RUNX3: variants seen among roughly 807,000 people sequenced by gnomAD.
RUNX3 encodes the protein RUNX family transcription factor 3.
RUNX3 carries 10 observed loss-of-function variants against 27.7 expected under a neutral mutation model. The ratio of observed to expected loss-of-function variants is 0.36; its 90% CI spans 0.22 to 0.61. The LOEUF is 0.61. Among genes scored for constraint, RUNX3 ranks in the 20% least tolerant of loss-of-function variants. RUNX3 has a pLI of 0.72. For missense variants in RUNX3, 469 were observed against 629.5 expected (o/e 0.75, Z 2.73); for synonymous variants, 270 against 269.2 (o/e 1.00, Z -0.03).
In RUNX3 at chr1:24,935,378, C is replaced by CCCACCCACCTCCTCT. The variant is rs566104183; in HGVS notation, c.59-5541_59-5527dup. Among the ~76,000 whole-genome samples, 268 of 152,294 alleles carry CCCACCCACCTCCTCT rather than the reference C, an allele frequency of 1.8e-3. 2 individuals carry two copies. The highest frequency in any genetic ancestry group is 6.3e-3 in the African/African-American group (263 of 41,546). On this transcript the variant is annotated intron_variant, in intron 2 of 6. Transcript: ENST00000338888. ...TGGTTGTGACCCGAGGCCCCTCCTCCCCACCCACCTCCTCTCCACCTCCCG... is the reference window on the plus strand; with the variant it reads ...TGGTTGTGACCCGAGGCCCCTCCTCCCCACCCACCTCCTCTCCACCCACCTCCTCTCCACCTCCCG...
chr1:24,959,115 C>G (rs918825013), intron 2 of RUNX3, among the ~76,000 whole-genome samples: 1 of 152,212 alleles, frequency 6.6e-6, no homozygotes, highest in Non-Finnish European at 1.5e-5. Context: ...TCTGCTTATC[C>G]GTCTCCCGGC....
intron 2 of RUNX3, among the ~76,000 whole-genome samples, chr1:24,920,091 G>A (rs1640969553): frequency 6.6e-6 from 1 of 152,072 alleles, no homozygotes; most frequent in Non-Finnish European, 1.5e-5. Flanking sequence ...TGATTTGGGA[G>A]CTGCAGACAT....
Position 24,902,709 on chromosome 1 carries a change from C to A in RUNX3, c.704-43G>T. 2.1e-6 allele frequency: 3 copies of A among 1,462,000 alleles called. No individual in the cohort carries two copies. Among genetic ancestry groups the A allele is most frequent in the Non-Finnish European group, 2.7e-6 (3 of 1,095,780 alleles). The allele number at this position is 1,462,000 out of a possible 1,614,324, so 90.6% of individuals were successfully genotyped here. ...AGAGGTCAGTTCCAGCTCGAGACAA[C>A]CCCAGGAGGGCTTCCTGAAGAATGA... On this transcript the variant is annotated intron_variant, in intron 4 of 4. Coordinates refer to ENST00000308873, the MANE Select transcript of RUNX3 (RefSeq NM_004350.3). This position sits in a 1 kb window ranked among gnomAD's most constrained non-coding sequence, Gnocchi z 9.2.
intron 2 of RUNX3, among the ~76,000 whole-genome samples, chr1:24,964,055 A>G (rs75941594): frequency 0.025 from 3,805 of 152,148 alleles, 155 homozygotes; most frequent in African/African-American, 0.088. Context: ...GTTACACACA[A>G]AATGTTGGCG....
Position 24,929,901 on chromosome 1 carries a change from G to A in RUNX3, c.-33C>T. 2 of 1,252,474 alleles carry A rather than the reference G, an allele frequency of 1.6e-6. No individual in the cohort carries two copies. The highest frequency in any genetic ancestry group is 1.0e-6 in the Non-Finnish European group (1 of 1,001,282). 77.6% of individuals were successfully genotyped at this position (1,252,474 alleles called of 1,614,324 possible). ...GCCGTCAGGGCGCCGGGCAGGCGGAGACGGCGCGGCTTCCCCCGGGGGCGG... is the reference window on the plus strand; with the variant it reads ...GCCGTCAGGGCGCCGGGCAGGCGGAAACGGCGCGGCTTCCCCCGGGGGCGG... On this transcript the variant is annotated 5_prime_UTR_variant, in exon 1 of 5. Coordinates refer to ENST00000308873, the MANE Select transcript of RUNX3 (RefSeq NM_004350.3).
chr1:24,918,995 T>C (rs549998002), intron 3 of RUNX3, among the ~76,000 whole-genome samples: 4 of 152,320 alleles, frequency 2.6e-5, no homozygotes, highest in Admixed American at 2.6e-4. Flanking sequence ...TTTCCTTTCC[T>C]TGACTCCCTC....
rs1302095688 is a variant in RUNX3, at chr1:24,900,869, C to T, written c.*1253G>A. 1.3e-5 allele frequency: 2 copies of T among 151,844 alleles called. No homozygotes were observed. Among genetic ancestry groups the T allele is most frequent in the African/African-American group, 4.8e-5 (2 of 41,354 alleles). The allele number at this position is 151,844 out of a possible 1,614,324, so 9.4% of individuals were successfully genotyped here. The stretch of plus-strand genomic sequence containing the variant: ...ATAACCCCACACCCTCAGGAGGCAG[C>T]TGGGGGTCCGCGGGGGGGAGAGGGG... On this transcript the variant is annotated 3_prime_UTR_variant, in exon 5 of 5. Coordinates refer to ENST00000308873, the MANE Select transcript of RUNX3 (RefSeq NM_004350.3).
chr1:24,922,782 C>CAAAA (rs57671911), intron 2 of RUNX3, among the ~76,000 whole-genome samples: 11 of 21,554 alleles, frequency 5.1e-4, no homozygotes, highest in South Asian at 2.5e-3. Flanking sequence ...GCCCACAGGG[C>CAAAA]AAAAAAAAAA....
intron 2 of RUNX3, among the ~76,000 whole-genome samples, chr1:24,924,784 C>T (rs1053748324): frequency 2.0e-5 from 3 of 152,108 alleles, no homozygotes; most frequent in Admixed American, 6.5e-5. Flanking sequence ...TACATTTCAA[C>T]GTAGAATAGT....
upstream of RUNX3, among the ~76,000 whole-genome samples, chr1:24,933,417 A>G (rs778704423): frequency 6.6e-6 from 1 of 152,208 alleles, no homozygotes. Flanking sequence ...GTCATGAAAA[A>G]ATAAGACCTC....
intron 3 of RUNX3, among the ~76,000 whole-genome samples, chr1:24,912,697 CAT>C (rs1228100872): frequency 6.6e-6 from 1 of 151,812 alleles, no homozygotes; most frequent in East Asian, 1.9e-4. Flanking sequence ...ACCATCCTAT[CAT>C]ATGGGTGAAA....
In RUNX3 at chr1:24,930,033, C is replaced by T; in HGVS notation, c.-165G>A. The T allele has an allele frequency of 1.0e-6, 1 of 981,460 alleles. No homozygotes were observed. Among genetic ancestry groups the T allele is most frequent in the Non-Finnish European group, 1.2e-6 (1 of 828,424 alleles). The allele number at this position is 981,460 out of a possible 1,614,324, so 60.8% of individuals were successfully genotyped here. A position where few individuals can be genotyped will look rare whatever the true frequency, so the allele number is the denominator to read the frequency against. ...GGGGCGGCGCCCGGCCACTACTCGCCAGGGCCCGCCCGCTGCGAGGCCTCG... is the reference window on the plus strand; with the variant it reads ...GGGGCGGCGCCCGGCCACTACTCGCTAGGGCCCGCCCGCTGCGAGGCCTCG... On this transcript the variant is annotated 5_prime_UTR_variant, in exon 1 of 5. Transcript: ENST00000308873. The surrounding 1 kb of genome is among the most constrained non-coding windows in gnomAD (Gnocchi z 4.1).
chr1:24,938,636 G>A (rs950735255), intron 2 of RUNX3, among the ~76,000 whole-genome samples: 1 of 152,182 alleles, frequency 6.6e-6, no homozygotes, highest in Admixed American at 6.5e-5. Context: ...TCTCCCAAAA[G>A]TCATACATTA....
intron 4 of RUNX3, among the ~76,000 whole-genome samples, chr1:24,907,048 C>T (rs112086581): frequency 2.0e-5 from 3 of 152,328 alleles, no homozygotes; most frequent in African/African-American, 7.2e-5. Context: ...TCAGTAATGT[C>T]AGTGTTTGCT....
chr1:24,946,275 A>G (rs1180305783), intron 2 of RUNX3, among the ~76,000 whole-genome samples: 1 of 152,202 alleles, frequency 6.6e-6, no homozygotes, highest in Non-Finnish European at 1.5e-5. Flanking sequence ...AAGAAAATTA[A>G]AACCATCCAT....
intron 2 of RUNX3, among the ~76,000 whole-genome samples, chr1:24,935,282 G>A (rs1169420870): frequency 4.6e-5 from 7 of 152,234 alleles, no homozygotes; most frequent in Admixed American, 3.9e-4. Context: ...CTCAGTGTTT[G>A]CATCTGAATG....
chr1:24,917,763 C>T (rs1640916300), intron 3 of RUNX3, among the ~76,000 whole-genome samples: 1 of 152,220 alleles, frequency 6.6e-6, no homozygotes, highest in Non-Finnish European at 1.5e-5. Flanking sequence ...AGCCCAAGGA[C>T]CCACAGCCAG....
Position 24,943,229 on chromosome 1 carries a change from G to A in RUNX3, c.59-13377C>T, listed in dbSNP as rs1641522689. Among the ~76,000 whole-genome samples the A allele has an allele frequency of 6.6e-6, 1 of 152,244 alleles. No homozygotes were observed. Among genetic ancestry groups the A allele is most frequent in the South Asian group, 2.1e-4 (1 of 4,832 alleles). On this transcript the variant is annotated intron_variant, in intron 2 of 6. Transcript: ENST00000338888. This position sits in a 1 kb window ranked among gnomAD's most constrained non-coding sequence, Gnocchi z 4.6. ...GGGCAGGCATGCCACCCAGCACGTGGGGGAGGCCAGGGCTTTGGGAGCATG... is the reference window on the plus strand; with the variant it reads ...GGGCAGGCATGCCACCCAGCACGTGAGGGAGGCCAGGGCTTTGGGAGCATG...
chr1:24,941,925 A>C (rs146118970), intron 2 of RUNX3, among the ~76,000 whole-genome samples: 1 of 152,208 alleles, frequency 6.6e-6, no homozygotes, highest in Admixed American at 6.5e-5. Context: ...TGCTGTTGGC[A>C]TAAGTTTCCA....
Sources: gnomAD v4.1 joint callset for allele counts (sites outside exome capture counted in the v4.1 genomes callset) on GRCh38, gnomAD v4.1.1 for gene constraint, Gnocchi (gnomAD v3.1) non-coding constraint, MANE v1.5 for transcripts, NCBI Gene and HGNC (gene_info 2026-07-23, HGNC 2026-07-21) for gene names.